ZNF618: variants seen among roughly 807,000 people sequenced by gnomAD.
ZNF618 encodes zinc finger protein 618.
A neutral mutation model predicts 103.0 loss-of-function variants in ZNF618; 34 were observed. The ratio of observed to expected loss-of-function variants is 0.33; its 90% CI spans 0.25 to 0.44. The LOEUF (loss-of-function observed/expected upper bound fraction) is 0.44. Among genes scored for constraint, ZNF618 ranks in the 20% least tolerant of loss-of-function variants. The pLI, the probability that ZNF618 is intolerant of heterozygous loss-of-function variation, is 1.00. For missense variants in ZNF618, 1,059 were observed against 1,295.4 expected (o/e 0.82, Z 2.80); for synonymous variants, 551 against 542.2 (o/e 1.02, Z -0.23).
At chr9:113,908,820 C>A (rs1423092726) in intron 1 of ZNF618, among the ~76,000 whole-genome samples, 1 of 151,970 alleles carries the variant, frequency 6.6e-6, no homozygotes, top group Non-Finnish European at 1.5e-5. Context: ...CATACCCCAG[C>A]CACCCTCACC....
rs749263738 is a variant in ZNF618, at chr9:113,887,416, C to T, written c.33+11003C>T. On this transcript the variant is annotated intron_variant, in intron 1 of 14. Transcript: ENST00000374126. ...AGCAAAAACAAATCTAAAAGATAATCCCTGACAATTTCTCTGCCTACCAAA... is the reference window on the plus strand; with the variant it reads ...AGCAAAAACAAATCTAAAAGATAATTCCTGACAATTTCTCTGCCTACCAAA... 5.3e-5 allele frequency among the ~76,000 whole-genome samples: 8 copies of T among 152,168 alleles called. No homozygotes were observed. In the East Asian group the frequency reaches 7.7e-4, roughly 15 times the overall value.
At chr9:113,961,051 T>C (rs112962831) in intron 1 of ZNF618, among the ~76,000 whole-genome samples, 5 of 152,218 alleles carry the variant, frequency 3.3e-5, no homozygotes, top group African/African-American at 1.2e-4. Context: ...GAGGTGCATG[T>C]CGCTCCCTGC....
chr9:113,876,827 C>A (rs1423133039), intron 1 of ZNF618, among the ~76,000 whole-genome samples: 1 of 150,008 alleles, frequency 6.7e-6, no homozygotes, highest in East Asian at 2.0e-4. Flanking sequence ...CCCCGATGAC[C>A]CCCCGGGAGG....
At chr9:114,001,948 G>T (rs373330900) in intron 4 of ZNF618, 48 bp from the exon 5 acceptor site, 4 of 1,514,280 alleles carry the variant, frequency 2.6e-6, no homozygotes, top group Non-Finnish European at 3.7e-6. Context: ...CTGGGACCTT[G>T]TGGTCACAGA....
At chr9:113,901,584 G>C (rs1830554867) in intron 1 of ZNF618, among the ~76,000 whole-genome samples, 1 of 152,202 alleles carries the variant, frequency 6.6e-6, no homozygotes, top group Non-Finnish European at 1.5e-5. Flanking sequence ...CTAAACCCGG[G>C]CCCAGCAAAA....
intron 1 of ZNF618, among the ~76,000 whole-genome samples, chr9:113,930,131 G>C (rs964790989): frequency 6.6e-6 from 1 of 152,138 alleles, no homozygotes; most frequent in South Asian, 2.1e-4. Context: ...AGTGTTACAC[G>C]TTGTCTGTAG....
chr9:113,950,354 C>G (rs753320855), intron 1 of ZNF618, among the ~76,000 whole-genome samples: 1 of 152,178 alleles, frequency 6.6e-6, no homozygotes, highest in Non-Finnish European at 1.5e-5. Flanking sequence ...CTCTCCCTGT[C>G]TCAACCACTT....
In ZNF618 at chr9:114,028,881, T is replaced by C. The variant is rs7030167; in HGVS notation, c.993T>C (p.Cys331=). 0.64 allele frequency: 989,862 copies of C among 1,550,458 alleles called. 324,576 individuals are homozygous for C. Among genetic ancestry groups the C allele is most frequent in the Middle Eastern group, 0.83 (4,946 of 5,992 alleles). Residue 331 remains cysteine, a synonymous_variant, in exon 11 of 15, where the codon TGT becomes TGC. Transcript: ENST00000374126. The stretch of plus-strand genomic sequence containing the variant: ...AAGCTCCGGCCTCCGTGGTCCGATG[T>C]GCCACCCTCTTACACCGCACCCCTC... ...GKKAPASVVR[C]ATLLHRTPPA...
Position 114,008,435 on chromosome 9 carries a change from C to T in ZNF618, c.677-42C>T, listed in dbSNP as rs190410504. ...CCTGTCCCCGGCTGGGCTCCTGAGA[C>T]CTGGGGGACCAGGGTGCTAAGGGCC... On this transcript the variant is annotated intron_variant, in intron 8 of 14. Coordinates refer to ENST00000374126, the MANE Select transcript of ZNF618 (RefSeq NM_001318042.2). 5,535 of 1,613,666 alleles carry T rather than the reference C, an allele frequency of 3.4e-3. 15 individuals carry two copies. Among genetic ancestry groups the T allele is most frequent in the Middle Eastern group, 5.1e-3 (31 of 6,062 alleles).
chr9:114,048,055 T>A, intron 14 of ZNF618, 61 bp downstream of exon 14: 1 of 1,379,590 alleles, frequency 7.2e-7, no homozygotes, highest in Non-Finnish European at 1.0e-6. Context: ...TGTTCCTCTC[T>A]GCCCCCCATT....
intron 13 of ZNF618, 23 bp from the exon 14 acceptor site, chr9:114,047,870 C>T: frequency 6.3e-7 from 1 of 1,575,748 alleles, no homozygotes; most frequent in South Asian, 1.2e-5. Context: ...CCAGGTAACA[C>T]ACTGTCCCCT....
At chr9:114,022,379 C>G (rs1843146147) in intron 10 of ZNF618, among the ~76,000 whole-genome samples, 1 of 151,910 alleles carries the variant, frequency 6.6e-6, no homozygotes, top group East Asian at 1.9e-4. Flanking sequence ...AACAGTTAAG[C>G]TTTTGAGCCT....
At chr9:113,876,661 G>A (rs1421834401) in intron 1 of ZNF618, among the ~76,000 whole-genome samples, 1 of 151,878 alleles carries the variant, frequency 6.6e-6, no homozygotes, top group Admixed American at 6.5e-5. Context: ...CTCCGGCCCC[G>A]GGCTCGGACC....
chr9:113,940,923 C>T (rs1357367357), intron 1 of ZNF618, among the ~76,000 whole-genome samples: 2 of 152,102 alleles, frequency 1.3e-5, no homozygotes, highest in Admixed American at 6.6e-5. Flanking sequence ...TGTGATTTCT[C>T]GTTTAAGTGT....
intron 13 of ZNF618, among the ~76,000 whole-genome samples, chr9:114,043,848 C>T (rs1321287455): frequency 6.6e-6 from 1 of 152,118 alleles, no homozygotes; most frequent in Admixed American, 6.5e-5. Context: ...TGTATATCTT[C>T]TTTTGAGATT....
In ZNF618 at chr9:114,050,193, GAA is replaced by G. The variant is rs1588467491; in HGVS notation, c.*30_*31del. The G allele has an allele frequency of 2.9e-5, 44 of 1,513,556 alleles. No homozygotes were observed. The highest frequency in any genetic ancestry group is 3.9e-5 in the Non-Finnish European group (44 of 1,139,338). 93.8% of individuals were successfully genotyped at this position (1,513,556 alleles called of 1,614,324 possible). A position where few individuals can be genotyped will look rare whatever the true frequency, so the allele number is the denominator to read the frequency against. ...GACTTGACTTCGGGGGAAAAAAAAA[GAA>G]AAAGAGAAGATAACATTAGAAAAAA... On this transcript the variant is annotated 3_prime_UTR_variant, in exon 15 of 15. Transcript: ENST00000374126.
intron 1 of ZNF618, among the ~76,000 whole-genome samples, chr9:113,942,247 C>CTTT (rs200706075): frequency 6.9e-6 from 1 of 144,684 alleles, no homozygotes; most frequent in Admixed American, 6.9e-5. Context: ...AATAGTTCTC[C>CTTT]TTTTTTTTTT....
At chr9:113,927,474 T>G (rs560067306) in intron 1 of ZNF618, among the ~76,000 whole-genome samples, 1 of 152,340 alleles carries the variant, frequency 6.6e-6, no homozygotes, top group Non-Finnish European at 1.5e-5. Flanking sequence ...TGCTAAGGAC[T>G]GGGCGAGGGG....
At chr9:113,959,518 CTG>C (rs1217777562) in intron 1 of ZNF618, among the ~76,000 whole-genome samples, 2 of 152,238 alleles carry the variant, frequency 1.3e-5, no homozygotes, top group Admixed American at 6.5e-5. Context: ...GGAAACGAAA[CTG>C]TGCCTTGGGT....
Sources: allele counts gnomAD v4.1 joint callset (sites outside exome capture counted in the v4.1 genomes callset), GRCh38; gene constraint gnomAD v4.1.1; transcripts MANE v1.5; gene names NCBI Gene and HGNC (gene_info 2026-07-23, HGNC 2026-07-21).